The following HECTD4 variants were observed in gnomAD, a reference collection of about 807,000 sequenced individuals.
HECTD4 encodes HECT domain E3 ubiquitin protein ligase 4.
In HECTD4, 114 loss-of-function variants were observed where a neutral mutation model predicts 471.5. The observed-to-expected ratio is 0.24, with a 90% CI of 0.21 to 0.28. HECTD4 has a LOEUF of 0.28. Ranked by LOEUF, HECTD4 falls within the 10% of genes least tolerant of loss-of-function variation. The pLI is 1.00. For synonymous variants in HECTD4, 2,012 were observed against 2,256.0 expected (o/e 0.89, Z 3.07); for missense variants, 3,866 against 5,651.5 (o/e 0.68, Z 10.13).
chr12:112,216,482 T>C, intron 47 of HECTD4, 111 bp from the exon 48 acceptor site: 1 of 737,614 alleles, frequency 1.4e-6, no homozygotes, highest in Non-Finnish European at 2.3e-6. Context: ...CATTGTGAGA[T>C]TATTATAGTA....
intron 1 of HECTD4, among the ~76,000 whole-genome samples, chr12:112,358,719 AGAG>A (rs2036391893): frequency 6.6e-6 from 1 of 152,208 alleles, no homozygotes; most frequent in Admixed American, 6.5e-5. Context: ...AAGAAAATTT[AGAG>A]GAGATACTGT....
intron 10 of HECTD4, among the ~76,000 whole-genome samples, 186 bp downstream of exon 10, chr12:112,274,661 C>G (rs1036430655): frequency 6.6e-6 from 1 of 152,124 alleles, no homozygotes; most frequent in African/African-American, 2.4e-5. Context: ...GAGCCAAGAT[C>G]GTAACACTTC....
At chr12:112,168,376 C>T (rs969334027) in intron 70 of HECTD4, among the ~76,000 whole-genome samples, 31 of 152,292 alleles carry the variant, frequency 2.0e-4, no homozygotes, top group Non-Finnish European at 4.0e-4. Context: ...CGCGTATGTC[C>T]GATGAATGCG....
In HECTD4 at chr12:112,184,529, G is replaced by A; in HGVS notation, c.10437C>T (p.Pro3479=). Reference sequence around the variant, plus strand: ...AGGCGGAGGCGCTGATGCTCATGGCGGGGGTCAGGCTGCTGGACGTGCTGA... The same window carrying A: ...AGGCGGAGGCGCTGATGCTCATGGCAGGGGTCAGGCTGCTGGACGTGCTGA... ...MEVSTSSSLT[P]AMSISASAST... is the part of the protein sequence containing the mutation. The change falls in exon 61 of 76, where the codon CCC becomes CCT. Residue 3479 remains proline (P), a synonymous_variant. Transcript: ENST00000682272. The surrounding 1 kb of genome is among the most constrained non-coding windows in gnomAD (Gnocchi z 9.1). The A allele has an allele frequency of 1.9e-6, 3 of 1,610,298 alleles. No individual in the cohort carries two copies. Among genetic ancestry groups the A allele is most frequent in the South Asian group, 1.1e-5 (1 of 90,946 alleles).
intron 44 of HECTD4, among the ~76,000 whole-genome samples, chr12:112,223,357 A>T (rs775566760): frequency 6.6e-6 from 1 of 152,208 alleles, no homozygotes; most frequent in Non-Finnish European, 1.5e-5. Context: ...CAGGTTCAAA[A>T]ATCTGCTTCC....
intron 1 of HECTD4, among the ~76,000 whole-genome samples, chr12:112,351,792 G>A (rs932148693): frequency 6.6e-6 from 1 of 152,314 alleles, no homozygotes; most frequent in Non-Finnish European, 1.5e-5. Context: ...AAGTACCTAC[G>A]TAGTAACATA....
intron 52 of HECTD4, among the ~76,000 whole-genome samples, chr12:112,206,470 A>G (rs779284240): frequency 1.3e-5 from 2 of 151,732 alleles, no homozygotes; most frequent in Non-Finnish European, 2.9e-5. Context: ...ACTCCAGCCC[A>G]GTTAATATAG....
In HECTD4 at chr12:112,207,930, C is replaced by G. The variant is rs1422284330; in HGVS notation, c.8075G>C (p.Arg2692Pro). 1 of 1,613,826 alleles carries G rather than the reference C, an allele frequency of 6.2e-7. No homozygotes were observed. ...KVFPTIRRRF[R>P]NEAERKSGLD... The stretch of plus-strand genomic sequence containing the variant: ...GCCCGATTTCCGCTCTGCTTCATTG[C>G]GGAAGCGTCTTCGGATGGTAGGAAA... The change falls in exon 52 of 76, where the codon CGC becomes CCC. Residue 2692 changes from arginine to proline, a missense_variant. Arg to Pro is a moderately radical substitution (Grantham distance 103, BLOSUM62 -2). Transcript: ENST00000682272.
intron 21 of HECTD4, among the ~76,000 whole-genome samples, chr12:112,255,478 T>C (rs1383539348): frequency 2.6e-5 from 4 of 152,162 alleles, no homozygotes; most frequent in Non-Finnish European, 5.9e-5. Context: ...CATCTCATAG[T>C]ATATACAGTT....
chr12:112,363,292 A>G (rs1240881110), intron 1 of HECTD4, among the ~76,000 whole-genome samples: 1 of 151,856 alleles, frequency 6.6e-6, no homozygotes, highest in Admixed American at 6.6e-5. Flanking sequence ...TCTTATATAT[A>G]AAGATGAGGT....
chr12:112,356,610 T>C (rs900159426), intron 1 of HECTD4, among the ~76,000 whole-genome samples: 1 of 152,038 alleles, frequency 6.6e-6, no homozygotes, highest in Non-Finnish European at 1.5e-5. Flanking sequence ...AGCTAATTTT[T>C]GTATTTTGGT....
At chr12:112,227,843 AT>A (rs997376248) in intron 43 of HECTD4, among the ~76,000 whole-genome samples, 1 of 152,162 alleles carries the variant, frequency 6.6e-6, no homozygotes, top group African/African-American at 2.4e-5. Context: ...CATACATCAC[AT>A]TTCATTTGTA....
At chr12:112,344,276 T>A (rs772508527) in intron 1 of HECTD4, among the ~76,000 whole-genome samples, 18 of 152,162 alleles carry the variant, frequency 1.2e-4, no homozygotes, top group Non-Finnish European at 2.4e-4. Context: ...CAACAACAAC[T>A]ACAGAAATAT....
Position 112,266,992 on chromosome 12 carries a change from C to G in HECTD4, c.2322-10G>C. ...GATATTTAAACCAGAGCTGAAATGA[C>G]AAAAAAGTCAAAAACATTTAAGCAA... On this transcript the variant is annotated splice_polypyrimidine_tract_variant and intron_variant, in intron 13 of 75. Transcript: ENST00000682272. 1 of 1,413,316 alleles carries G rather than the reference C, an allele frequency of 7.1e-7. No homozygotes were observed. Among genetic ancestry groups the G allele is most frequent in the Middle Eastern group, 1.8e-4 (1 of 5,656 alleles). 87.5% of individuals were successfully genotyped at this position (1,413,316 alleles called of 1,614,324 possible). A position where few individuals can be genotyped will look rare whatever the true frequency, so the allele number is the denominator to read the frequency against.
Position 112,193,004 on chromosome 12 carries a change from A to G in HECTD4, c.9086+57T>C. The G allele has an allele frequency of 6.3e-7, 1 of 1,597,890 alleles. No individual in the cohort carries two copies. Among genetic ancestry groups the G allele is most frequent in the Non-Finnish European group, 8.6e-7 (1 of 1,169,510 alleles). ...ATTTTTTTCCTTGGCCAGTTTCACCAGAATTCATTTAGCTTTCCTCTCCCC... is the reference window on the plus strand; with the variant it reads ...ATTTTTTTCCTTGGCCAGTTTCACCGGAATTCATTTAGCTTTCCTCTCCCC... On this transcript the variant is annotated intron_variant, in intron 58 of 75. Transcript: ENST00000682272. This position sits in a 1 kb window ranked among gnomAD's most constrained non-coding sequence, Gnocchi z 5.2.
chr12:112,296,866 T>G (rs2035037193), intron 7 of HECTD4, among the ~76,000 whole-genome samples: 1 of 146,046 alleles, frequency 6.8e-6, no homozygotes, highest in East Asian at 2.1e-4. Context: ...GCAGATGGTG[T>G]AGGTGCAGAA....
chr12:112,197,625 C>T (rs541841738), intron 55 of HECTD4, among the ~76,000 whole-genome samples: 39 of 152,322 alleles, frequency 2.6e-4, no homozygotes, highest in African/African-American at 8.4e-4. Flanking sequence ...TCTTCCAATA[C>T]CAGGACCACC....
At chr12:112,259,459 A>C (rs577941821) in intron 18 of HECTD4, among the ~76,000 whole-genome samples, 194 bp from the exon 19 acceptor site, 1 of 151,978 alleles carries the variant, frequency 6.6e-6, no homozygotes, top group African/African-American at 2.4e-5. Context: ...ACAGAAATAA[A>C]GCTATTAATA....
intron 23 of HECTD4, among the ~76,000 whole-genome samples, 182 bp from the exon 24 acceptor site, chr12:112,251,316 A>G (rs891488438): frequency 1.3e-5 from 2 of 152,268 alleles, no homozygotes; most frequent in African/African-American, 4.8e-5. Context: ...TGGAATGACC[A>G]GAGTGAAGTC....
Sources: allele counts gnomAD v4.1 joint callset (sites outside exome capture counted in the v4.1 genomes callset), GRCh38; gene constraint gnomAD v4.1.1; non-coding constraint Gnocchi (gnomAD v3.1); transcripts MANE v1.5; gene names NCBI Gene and HGNC (gene_info 2026-07-23, HGNC 2026-07-21).